Variants in LINGO2 observed in about 807,000 individuals in gnomAD.
The protein encoded by LINGO2 is leucine rich repeat and Ig domain containing 2.
A neutral mutation model predicts 30.6 loss-of-function variants in LINGO2; 14 were observed. The ratio of observed to expected loss-of-function variants is 0.46; its 90% CI spans 0.30 to 0.72. LINGO2 has a LOEUF of 0.72. Ranked by LOEUF, LINGO2 falls within the 30% of genes least tolerant of loss-of-function variation. The pLI, the probability that LINGO2 is intolerant of heterozygous loss-of-function variation, is 0.07. For synonymous variants in LINGO2, 317 were observed against 288.5 expected (o/e 1.10, Z -1.00); for missense variants, 729 against 751.7 (o/e 0.97, Z 0.35).
the LINGO2 span, among the ~76,000 whole-genome samples, chr9:28,758,448 T>G: frequency 2.6e-5 from 4 of 152,062 alleles, no homozygotes; most frequent in Admixed American, 2.0e-4. Flanking sequence ...TGAAAAAAAG[T>G]TCCTCTTACT....
intron 1 of LINGO2, among the ~76,000 whole-genome samples, chr9:28,611,959 T>C (rs1224619302): frequency 6.6e-6 from 1 of 152,082 alleles, no homozygotes; most frequent in Admixed American, 6.5e-5. Context: ...TAGCTGGGAC[T>C]ACAGGTGCCA....
chr9:28,543,722 C>T (rs1277194065), intron 1 of LINGO2, among the ~76,000 whole-genome samples: 1 of 152,014 alleles, frequency 6.6e-6, no homozygotes, highest in Non-Finnish European at 1.5e-5. Context: ...GTAGAACATT[C>T]ATTTTAAATA....
chr9:29,058,082 C>T, the LINGO2 span, among the ~76,000 whole-genome samples: 4 of 151,952 alleles, frequency 2.6e-5, no homozygotes, highest in South Asian at 2.1e-4. Flanking sequence ...ACATTTAAAA[C>T]GGCAAGAAAA....
chr9:28,823,297 T>G, the LINGO2 span, among the ~76,000 whole-genome samples: 2 of 152,164 alleles, frequency 1.3e-5, no homozygotes, highest in Non-Finnish European at 2.9e-5. Context: ...AGTGGGCCAC[T>G]AAATGGACAT....
At chr9:28,644,380 T>C (rs914861733) in intron 1 of LINGO2, among the ~76,000 whole-genome samples, 1 of 151,986 alleles carries the variant, frequency 6.6e-6, no homozygotes, top group Non-Finnish European at 1.5e-5. Context: ...TGAGATCCTG[T>C]CGTTTGCAAG....
chr9:27,951,450 A>G (rs17506986), intron 5 of LINGO2, among the ~76,000 whole-genome samples: 23,633 of 152,160 alleles, frequency 0.16, 2,219 homozygotes, highest in Middle Eastern at 0.37. Flanking sequence ...GCTCTTTTAA[A>G]TGATTTTGAG....
intron 1 of LINGO2, among the ~76,000 whole-genome samples, chr9:28,512,088 A>T (rs1199356766): frequency 1.1e-4 from 17 of 151,992 alleles, no homozygotes; most frequent in Non-Finnish European, 4.4e-5. Context: ...CATGTAACTT[A>T]CTTGTGCCTT....
intron 4 of LINGO2, among the ~76,000 whole-genome samples, chr9:28,096,831 C>T (rs2133291684): frequency 6.6e-6 from 1 of 151,956 alleles, no homozygotes; most frequent in East Asian, 1.9e-4. Flanking sequence ...GACTCCGACA[C>T]ACAGATTGCT....
At chr9:28,638,928 C>A (rs977186782) in intron 1 of LINGO2, among the ~76,000 whole-genome samples, 9 of 151,996 alleles carry the variant, frequency 5.9e-5, no homozygotes, top group Admixed American at 4.6e-4. Flanking sequence ...TCAATTTTAG[C>A]TCTTTCCTGC....
In LINGO2 at chr9:28,486,089, G is replaced by T. The variant is rs1002098489; in HGVS notation, c.-364-10064C>A. 2.6e-5 allele frequency among the ~76,000 whole-genome samples: 4 copies of T among 152,234 alleles called. No individual in the cohort carries two copies. The East Asian group carries it at 7.7e-4, about 29-fold the overall frequency. On this transcript the variant is annotated intron_variant, in intron 1 of 5. Coordinates refer to ENST00000379992, the Ensembl canonical transcript of LINGO2. ...ATACTCTCGGAATTAATTTCAATTA[G>T]TCTGAAAAGACATCAATTTAGTATG...
the LINGO2 span, among the ~76,000 whole-genome samples, chr9:28,848,391 GTGTGTGTATA>G: frequency 4.8e-3 from 265 of 55,034 alleles, 3 homozygotes; most frequent in South Asian, 0.02. Context: ...GTGTGTGTGT[GTGTGTGTATA>G]TATATATATA....
At chr9:29,198,386 T>G in the LINGO2 span, among the ~76,000 whole-genome samples, 12 of 152,064 alleles carry the variant, frequency 7.9e-5, no homozygotes, top group African/African-American at 2.7e-4. Context: ...AGAAAAATAT[T>G]TTTGGCTGGG....
At chr9:28,960,788 T>A in the LINGO2 span, among the ~76,000 whole-genome samples, 21 of 147,606 alleles carry the variant, frequency 1.4e-4, no homozygotes. Flanking sequence ...TATAAAATAA[T>A]GGTTGCTGAG....
the LINGO2 span, among the ~76,000 whole-genome samples, chr9:28,740,916 T>C: frequency 6.6e-6 from 1 of 152,074 alleles, no homozygotes; most frequent in Non-Finnish European, 1.5e-5. Context: ...GTATCTAGCC[T>C]GAATCCTGAG....
chr9:28,968,050 C>A, the LINGO2 span, among the ~76,000 whole-genome samples: 35 of 152,182 alleles, frequency 2.3e-4, no homozygotes, highest in South Asian at 6.6e-3. Context: ...TTATTTGACA[C>A]CCTGAAGTAG....
chr9:28,304,931 C>G (rs1445874001), intron 3 of LINGO2, among the ~76,000 whole-genome samples: 1 of 151,948 alleles, frequency 6.6e-6, no homozygotes, highest in East Asian at 1.9e-4. Flanking sequence ...AAGTCTTTAT[C>G]AGTTATTTTA....
chr9:28,848,405 A>G, the LINGO2 span, among the ~76,000 whole-genome samples: 9,788 of 93,900 alleles, frequency 0.1, 640 homozygotes, highest in Non-Finnish European at 0.14. Context: ...GTGTATATAT[A>G]TATATATATA....
At chr9:28,564,128 T>C (rs913691481) in intron 1 of LINGO2, among the ~76,000 whole-genome samples, 1 of 152,070 alleles carries the variant, frequency 6.6e-6, no homozygotes, top group Non-Finnish European at 1.5e-5. Flanking sequence ...ACAGAAACAA[T>C]GAAAAAGAAT....
chr9:28,417,688 C>T (rs1291184099), intron 2 of LINGO2, among the ~76,000 whole-genome samples: 2 of 152,152 alleles, frequency 1.3e-5, no homozygotes, highest in South Asian at 2.1e-4. Flanking sequence ...GCCATTCCTA[C>T]TTTCAATAGT....
Sources: gnomAD v4.1 joint callset for allele counts (sites outside exome capture counted in the v4.1 genomes callset) on GRCh38, gnomAD v4.1.1 for gene constraint, MANE v1.5 for transcripts, NCBI Gene and HGNC (gene_info 2026-07-23, HGNC 2026-07-21) for gene names.